NUDCD3: variants seen among roughly 807,000 people sequenced by gnomAD.
The protein encoded by NUDCD3 is nudC domain-containing protein 3.
NUDCD3 carries 13 observed loss-of-function variants against 39.7 expected under a neutral mutation model. That is an observed-to-expected ratio of 0.33 (90% CI 0.21 to 0.52). The LOEUF (loss-of-function observed/expected upper bound fraction) is 0.52. NUDCD3 is among the 20% of genes least tolerant of loss of function. The pLI is 0.96. For missense variants in NUDCD3, 453 were observed against 458.1 expected, an observed-to-expected ratio of 0.99 and a Z score of 0.10; for synonymous variants, 175 against 172.4, an observed-to-expected ratio of 1.02 and a Z score of -0.12.
intron 3 of NUDCD3, among the ~76,000 whole-genome samples, chr7:44,409,511 T>G (rs773135730): frequency 6.6e-6 from 1 of 152,112 alleles, no homozygotes; most frequent in Non-Finnish European, 1.5e-5. Flanking sequence ...AAGGAGCATC[T>G]GATTTCCTGA....
At chr7:44,429,735 G>A (rs1005299312) in intron 2 of NUDCD3, among the ~76,000 whole-genome samples, 4 of 152,086 alleles carry the variant, frequency 2.6e-5, no homozygotes, top group African/African-American at 9.7e-5. Flanking sequence ...TCACACAGGC[G>A]GGCCACTGTG....
At chr7:44,471,299 T>C (rs1800252524) in intron 2 of NUDCD3, among the ~76,000 whole-genome samples, 2 of 152,408 alleles carry the variant, frequency 1.3e-5, no homozygotes, top group South Asian at 2.1e-4. Context: ...GAAAATGCTA[T>C]GTAAATAGTT....
intron 4 of NUDCD3, among the ~76,000 whole-genome samples, chr7:44,401,081 A>C (rs1798715207): frequency 6.6e-6 from 1 of 152,170 alleles, no homozygotes. Context: ...GAGAAATGGA[A>C]GTACAGCAAG....
At chr7:44,442,082 T>C (rs1383638732) in intron 2 of NUDCD3, among the ~76,000 whole-genome samples, 1 of 152,118 alleles carries the variant, frequency 6.6e-6, no homozygotes, top group Non-Finnish European at 1.5e-5. Context: ...GGTTAATGAG[T>C]GAATAGATAC....
chr7:44,426,062 A>C, intron 3 of NUDCD3: 1 of 903,460 alleles, frequency 1.1e-6, no homozygotes, highest in Non-Finnish European at 1.3e-6. Flanking sequence ...CCCACAGCAC[A>C]CAGGCCTGGC....
At chr7:44,402,097 G>A (rs190975354) in intron 4 of NUDCD3, among the ~76,000 whole-genome samples, 73 of 152,322 alleles carry the variant, frequency 4.8e-4, no homozygotes, top group Non-Finnish European at 8.4e-4. Context: ...AGAGACTCCC[G>A]TTTCTCACAG....
At chr7:44,465,389 A>G (rs1021414608) in intron 2 of NUDCD3, among the ~76,000 whole-genome samples, 2 of 152,216 alleles carry the variant, frequency 1.3e-5, no homozygotes, top group Admixed American at 6.5e-5. Context: ...CCGTTAGAGA[A>G]CACAGCAGAC....
At position 44,385,009 on chromosome 7, in the gene NUDCD3, G is replaced by C. The variant is rs182522073; in HGVS notation, c.*1002C>G. ...GTCTGGCACCTGGCACAGAGGATGG[G>C]AAGAGGGGAGTCTTCACTCTCTTCT... On this transcript the variant is annotated 3_prime_UTR_variant, in exon 6 of 6. Transcript: ENST00000355451. 6.6e-6 allele frequency: 1 copy of C among 152,418 alleles called. No individual in the cohort carries two copies. The highest frequency in any genetic ancestry group is 1.9e-4 in the East Asian group (1 of 5,190). 9.4% of individuals were successfully genotyped at this position (152,418 alleles called of 1,614,324 possible).
intron 2 of NUDCD3, among the ~76,000 whole-genome samples, chr7:44,464,470 T>C (rs766277504): frequency 6.7e-6 from 1 of 149,250 alleles, no homozygotes; most frequent in African/African-American, 2.4e-5. Context: ...GATCAACAAT[T>C]TTTTTTTTTT....
intron 2 of NUDCD3, among the ~76,000 whole-genome samples, chr7:44,457,673 A>G (rs1799930735): frequency 1.3e-5 from 2 of 152,256 alleles, no homozygotes; most frequent in Non-Finnish European, 2.9e-5. Flanking sequence ...TAGACTACAT[A>G]AAGATGGTTA....
intron 1 of NUDCD3, chr7:44,485,487 C>CA: frequency 1.8e-6 from 1 of 541,260 alleles, no homozygotes; most frequent in East Asian, 2.9e-5. Context: ...CCAAAATCAA[C>CA]AAAATCAGAA....
chr7:44,381,737 C>G lies in NUDCD3; in HGVS notation c.*4274G>C, dbSNP rs1162347867. Reference sequence around the variant, plus strand: ...CCTGCCTGACAGGAGGCGGCATACACCTGAGCGCCTGACAGTACCCTCGTG... The same window carrying G: ...CCTGCCTGACAGGAGGCGGCATACAGCTGAGCGCCTGACAGTACCCTCGTG... On this transcript the variant is annotated 3_prime_UTR_variant, in exon 6 of 6. Transcript: ENST00000355451. 2 of 152,310 alleles carry G rather than the reference C, an allele frequency of 1.3e-5. No homozygotes were observed. Among genetic ancestry groups the G allele is most frequent in the Non-Finnish European group, 2.9e-5 (2 of 68,122 alleles). The allele number at this position is 152,310 out of a possible 1,614,324, so 9.4% of individuals were successfully genotyped here.
chr7:44,445,983 AAAC>A (rs1376840836), intron 2 of NUDCD3, among the ~76,000 whole-genome samples: 2 of 152,222 alleles, frequency 1.3e-5, no homozygotes, highest in Non-Finnish European at 2.9e-5. Flanking sequence ...AAAGTCAGGG[AAAC>A]AACACTTCCA....
chr7:44,482,601 T>C (rs1426633546), intron 2 of NUDCD3, among the ~76,000 whole-genome samples: 1 of 152,116 alleles, frequency 6.6e-6, no homozygotes, highest in Non-Finnish European at 1.5e-5. Flanking sequence ...TTCAAAAAGA[T>C]CATTCTGATC....
intron 5 of NUDCD3, among the ~76,000 whole-genome samples, chr7:44,389,943 C>G (rs1365226162): frequency 6.6e-6 from 1 of 152,214 alleles, no homozygotes; most frequent in Non-Finnish European, 1.5e-5. Flanking sequence ...CAATGATGAG[C>G]AGGTATTCCT....
intron 2 of NUDCD3, among the ~76,000 whole-genome samples, chr7:44,432,035 C>T (rs1331998050): frequency 2.6e-5 from 4 of 152,074 alleles, no homozygotes; most frequent in Non-Finnish European, 5.9e-5. Flanking sequence ...TCAATCTCAG[C>T]GATTTGGGAG....
chr7:44,448,751 C>G (rs1214374103), intron 2 of NUDCD3, among the ~76,000 whole-genome samples: 1 of 152,134 alleles, frequency 6.6e-6, no homozygotes, highest in Non-Finnish European at 1.5e-5. Flanking sequence ...CCTCCACTCT[C>G]CCACTCCCAC....
At chr7:44,400,888 A>G (rs937033437) in intron 4 of NUDCD3, among the ~76,000 whole-genome samples, 2 of 152,202 alleles carry the variant, frequency 1.3e-5, no homozygotes, top group Non-Finnish European at 2.9e-5. Flanking sequence ...AATCATATCT[A>G]CAAAGACCCT....
At position 44,404,598 on chromosome 7, in the gene NUDCD3, G is replaced by T. The variant is rs564032268; in HGVS notation, c.643-15C>A. The T allele has an allele frequency of 8.7e-6, 14 of 1,612,276 alleles. No individual in the cohort carries two copies. The highest frequency in any genetic ancestry group is 1.2e-5 in the Non-Finnish European group (14 of 1,179,612). ...GCCACTGAGACCTGGGGACACAGCAGAAGAAAATCATCTCTCCTATCAGGG... is the reference window on the plus strand; with the variant it reads ...GCCACTGAGACCTGGGGACACAGCATAAGAAAATCATCTCTCCTATCAGGG... On this transcript the variant is annotated splice_polypyrimidine_tract_variant and intron_variant, in intron 3 of 5. Coordinates refer to ENST00000355451, the MANE Select transcript of NUDCD3 (RefSeq NM_015332.4).
Sources: gnomAD v4.1 joint callset for allele counts (sites outside exome capture counted in the v4.1 genomes callset) on GRCh38, gnomAD v4.1.1 for gene constraint, MANE v1.5 for transcripts, NCBI Gene and HGNC (gene_info 2026-07-23, HGNC 2026-07-21) for gene names.